RIN2: variants seen among roughly 807,000 people sequenced by gnomAD.
RIN2 encodes RAB5 interacting protein 2.
Under a neutral mutation model 78.0 loss-of-function variants are expected in RIN2, and 36 were observed. The observed-to-expected ratio is 0.46, with a 90% CI of 0.35 to 0.61. The LOEUF (loss-of-function observed/expected upper bound fraction) is 0.61, where lower values mean the gene tolerates loss of function less well. Ranked by LOEUF, RIN2 falls within the 20% of genes least tolerant of loss-of-function variation. The probability of loss-of-function intolerance (pLI) is 0.00; values close to 1 mark genes in which losing one functional copy is unlikely to be tolerated. For missense variants in RIN2, 1,087 were observed against 1,159.7 expected, an observed-to-expected ratio of 0.94 and a Z score of 0.91; for synonymous variants, 466 against 466.8, an observed-to-expected ratio of 1.00 and a Z score of 0.02.
chr20:19,927,445 C>T (rs1269719926), intron 3 of RIN2, among the ~76,000 whole-genome samples: 1 of 151,870 alleles, frequency 6.6e-6, no homozygotes, highest in Non-Finnish European at 1.5e-5. Flanking sequence ...GATGGAGTCT[C>T]ACTCTGTTGC....
At chr20:19,889,119 A>G in intron 2 of RIN2, 1 of 985,442 alleles carries the variant, frequency 1.0e-6, no homozygotes, top group Non-Finnish European at 1.2e-6. Flanking sequence ...GGGAGAGGCC[A>G]GCAGAGCTAA....
chr20:19,796,614 T>C (rs2035062095), intron 1 of RIN2, among the ~76,000 whole-genome samples: 1 of 152,206 alleles, frequency 6.6e-6, no homozygotes, highest in Non-Finnish European at 1.5e-5. Flanking sequence ...GTTTGAAAGC[T>C]ATGAGTCAAT....
intron 2 of RIN2, among the ~76,000 whole-genome samples, chr20:19,864,722 T>G (rs1194566720): frequency 1.3e-5 from 2 of 152,186 alleles, no homozygotes; most frequent in African/African-American, 2.4e-5. Context: ...ATGTAATCAG[T>G]CTAAAGAAAT....
At chr20:19,779,725 T>TGA (rs1468707953) in intron 1 of RIN2, among the ~76,000 whole-genome samples, 7 of 152,208 alleles carry the variant, frequency 4.6e-5, no homozygotes, top group African/African-American at 1.7e-4. Context: ...TTTTCTAAAA[T>TGA]AAGACTTTCA....
At chr20:19,901,442 G>A (rs1375611610) in intron 3 of RIN2, among the ~76,000 whole-genome samples, 3 of 152,042 alleles carry the variant, frequency 2.0e-5, no homozygotes, top group Non-Finnish European at 4.4e-5. Flanking sequence ...CCCACCCAGC[G>A]TCGAACACCC....
chr20:19,821,905 T>C (rs916328130), intron 2 of RIN2, among the ~76,000 whole-genome samples: 3 of 152,224 alleles, frequency 2.0e-5, no homozygotes, highest in African/African-American at 4.8e-5. Flanking sequence ...TGGGACATTA[T>C]AGATGTTCAG....
intron 2 of RIN2, among the ~76,000 whole-genome samples, chr20:19,837,172 ACACACACAC>A (rs2036445917): frequency 3.0e-5 from 1 of 33,622 alleles, no homozygotes; most frequent in African/African-American, 7.4e-5. Context: ...CCCCCCCAAC[ACACACACAC>A]ACACACACAC....
chr20:19,952,093 G>A (rs549187801), intron 4 of RIN2, among the ~76,000 whole-genome samples: 82 of 152,288 alleles, frequency 5.4e-4, no homozygotes, highest in African/African-American at 1.6e-3. Flanking sequence ...AGGCAAAGAC[G>A]TGGGCTCTGC....
chr20:19,770,900 G>T (rs1367900627), intron 1 of RIN2, among the ~76,000 whole-genome samples: 1 of 125,114 alleles, frequency 8.0e-6, no homozygotes, highest in African/African-American at 2.8e-5. Flanking sequence ...TCCCACTAGG[G>T]CCGCAAGTCC....
At chr20:19,906,343 G>A (rs112576169) in intron 3 of RIN2, among the ~76,000 whole-genome samples, 3,829 of 152,282 alleles carry the variant, frequency 0.025, 152 homozygotes, top group African/African-American at 0.085. Flanking sequence ...TAGCTACCCC[G>A]GAGGCTGAGA....
intron 6 of RIN2, among the ~76,000 whole-genome samples, chr20:19,961,372 C>G (rs1382358597): frequency 6.6e-6 from 1 of 152,128 alleles, no homozygotes; most frequent in Non-Finnish European, 1.5e-5. Flanking sequence ...TTTCTTTCTG[C>G]TGTTCCACGA....
rs1420639121 is a variant in RIN2 at position 19,777,935 on chromosome 20, C to CCA, written c.-163+19611_-163+19612dup. 2.0e-5 allele frequency among the ~76,000 whole-genome samples: 3 copies of CCA among 152,316 alleles called. No individual in the cohort carries two copies. In the East Asian group the frequency reaches 5.8e-4, roughly 29 times the overall value. On this transcript the variant is annotated intron_variant, in intron 1 of 12. Transcript: ENST00000255006. ...GATTACAATCAACACATGCTACAAT[C>CCA]CACAGTCTTACTGGTGTGTTCCAAA... is the stretch of plus-strand genomic sequence containing the variant.
At chr20:19,929,704 A>C (rs760332410) in intron 3 of RIN2, among the ~76,000 whole-genome samples, 5 of 152,204 alleles carry the variant, frequency 3.3e-5, no homozygotes, top group Non-Finnish European at 7.3e-5. Flanking sequence ...GAAAGCTGAC[A>C]TTAAAACTGG....
chr20:19,937,009 T>TA (rs2040673256), intron 4 of RIN2, among the ~76,000 whole-genome samples: 1 of 152,352 alleles, frequency 6.6e-6, no homozygotes, highest in African/African-American at 2.4e-5. Context: ...TACGGAATCT[T>TA]CCTAGCACTT....
rs2041428830 is a variant in RIN2 at position 19,953,944 on chromosome 20, T to A, written c.159-2671T>A. Among the ~76,000 whole-genome samples, 7 of 152,328 alleles carry A rather than the reference T, an allele frequency of 4.6e-5. No homozygotes were observed. In the South Asian group the frequency reaches 1.4e-3, roughly 32 times the overall value. On this transcript the variant is annotated intron_variant, in intron 4 of 12. Transcript: ENST00000255006. ...TGGCACAGAGTCTCCTACCTGGAAA[T>A]TTGTAGCAGAAGTTGAGCAAAGCTT...
intron 3 of RIN2, among the ~76,000 whole-genome samples, chr20:19,934,310 C>A (rs2040549450): frequency 6.6e-6 from 1 of 152,290 alleles, no homozygotes; most frequent in Non-Finnish European, 1.5e-5. Flanking sequence ...AGCAGAGTGG[C>A]ACCCTTGAGA....
intron 7 of RIN2, among the ~76,000 whole-genome samples, chr20:19,970,159 G>T (rs2042060996): frequency 6.6e-6 from 1 of 152,196 alleles, no homozygotes; most frequent in East Asian, 1.9e-4. Flanking sequence ...CCTGGTCCAG[G>T]GTCCAGCAGC....
chr20:19,985,438 C>G (rs2042592060), intron 9 of RIN2, among the ~76,000 whole-genome samples: 1 of 152,128 alleles, frequency 6.6e-6, no homozygotes. Context: ...TATTTTGGGG[C>G]CAGTTGATAT....
chr20:19,845,974 T>C (rs914237793), intron 2 of RIN2, among the ~76,000 whole-genome samples: 7 of 152,354 alleles, frequency 4.6e-5, no homozygotes, highest in Middle Eastern at 3.4e-3. Context: ...ACATCATTTA[T>C]TAAATAGGGA....
Sources: allele counts gnomAD v4.1 joint callset (sites outside exome capture counted in the v4.1 genomes callset), GRCh38; gene constraint gnomAD v4.1.1; transcripts MANE v1.5; gene names NCBI Gene and HGNC (gene_info 2026-07-23, HGNC 2026-07-21).